The following CAMSAP2 variants were observed in gnomAD, a reference collection of about 807,000 sequenced individuals.
CAMSAP2 encodes calmodulin regulated spectrin associated protein family member 2.
CAMSAP2 carries 26 observed loss-of-function variants against 146.1 expected under a neutral mutation model. The ratio of observed to expected loss-of-function variants is 0.18; its 90% CI spans 0.13 to 0.25. The LOEUF (loss-of-function observed/expected upper bound fraction) is 0.25. Among genes scored for constraint, CAMSAP2 ranks in the 10% least tolerant of loss-of-function variants. The probability of loss-of-function intolerance (pLI) is 1.00; values close to 1 mark genes in which losing one functional copy is unlikely to be tolerated. For synonymous variants in CAMSAP2, 499 were observed against 596.6 expected, an observed-to-expected ratio of 0.84 and a Z score of 2.38; for missense variants, 1,381 against 1,759.3, an observed-to-expected ratio of 0.78 and a Z score of 3.85.
rs1484922849 is a variant in CAMSAP2 at position 200,854,918 on chromosome 1, C to T, written c.3896+29C>T. ...AATCTATAACGTATGAATATTTTTA[C>T]AGAAAAGAATATAGTACCTGCAATT... On this transcript the variant is annotated intron_variant, in intron 14 of 16. Transcript: ENST00000358823. 6.6e-6 allele frequency: 10 copies of T among 1,525,982 alleles called. No individual in the cohort carries two copies. In the African/African-American group the frequency reaches 1.2e-4, roughly 19 times the overall value. 94.5% of individuals were successfully genotyped at this position (1,525,982 alleles called of 1,614,324 possible).
intron 1 of CAMSAP2, among the ~76,000 whole-genome samples, chr1:200,757,822 G>T (rs930820247): frequency 6.6e-6 from 1 of 152,136 alleles, no homozygotes; most frequent in African/African-American, 2.4e-5. Flanking sequence ...ATTAGCTGTG[G>T]ATCCTTTCCC....
At chr1:200,778,742 C>T (rs895241884) in intron 2 of CAMSAP2, among the ~76,000 whole-genome samples, 4 of 151,510 alleles carry the variant, frequency 2.6e-5, no homozygotes, top group African/African-American at 7.3e-5. Flanking sequence ...AAACTAAATC[C>T]GGCTACAGTA....
chr1:200,852,923 T>G (rs988704324), intron 12 of CAMSAP2, among the ~76,000 whole-genome samples: 3 of 152,146 alleles, frequency 2.0e-5, no homozygotes, highest in African/African-American at 7.2e-5. Context: ...TTAAGGCATC[T>G]CATGGGAAAG....
chr1:200,842,184 T>A, intron 7 of CAMSAP2, 97 bp downstream of exon 7: 1 of 883,660 alleles, frequency 1.1e-6, no homozygotes, highest in Non-Finnish European at 1.8e-6. Context: ...ATCAGCCTAT[T>A]ATTTTTTTTT....
At chr1:200,763,876 C>T (rs368060509) in intron 2 of CAMSAP2, among the ~76,000 whole-genome samples, 1 of 152,062 alleles carries the variant, frequency 6.6e-6, no homozygotes, top group African/African-American at 2.4e-5. Flanking sequence ...GAGTTTGAGA[C>T]CAGCCTAGCC....
At chr1:200,750,018 A>G (rs1184360598) in intron 1 of CAMSAP2, among the ~76,000 whole-genome samples, 1 of 152,130 alleles carries the variant, frequency 6.6e-6, no homozygotes, top group Non-Finnish European at 1.5e-5. Context: ...AGAAGTGGGA[A>G]GTCATTGGAA....
In CAMSAP2 at chr1:200,739,630, G is replaced by A. The variant is rs1664088439; in HGVS notation, c.-198G>A. ...ATTCCTATGCCCGGGAGCGGCGGCG[G>A]CGGCGGCGGCGGCTCCCGCGGGAGG... On this transcript the variant is annotated 5_prime_UTR_variant, in exon 1 of 17. Coordinates refer to ENST00000358823, the MANE Select transcript of CAMSAP2 (RefSeq NM_203459.4). This position sits in a 1 kb window ranked among gnomAD's most constrained non-coding sequence, Gnocchi z 4.8. The A allele has an allele frequency of 2.9e-6, 1 of 348,922 alleles. No homozygotes were observed. Among genetic ancestry groups the A allele is most frequent in the Non-Finnish European group, 4.8e-6 (1 of 206,616 alleles). The allele number at this position is 348,922 out of a possible 1,614,324, so 21.6% of individuals were successfully genotyped here. A position where few individuals can be genotyped will look rare whatever the true frequency, so the allele number is the denominator to read the frequency against.
At chr1:200,855,428 C>T (rs1044536935) in intron 14 of CAMSAP2, among the ~76,000 whole-genome samples, 54 of 150,296 alleles carry the variant, frequency 3.6e-4, no homozygotes, top group African/African-American at 1.3e-3. Flanking sequence ...TAGTGACAGT[C>T]ATCATCTTAG....
At chr1:200,752,501 C>T (rs934902944) in intron 1 of CAMSAP2, among the ~76,000 whole-genome samples, 2 of 152,020 alleles carry the variant, frequency 1.3e-5, no homozygotes, top group Admixed American at 6.6e-5. Flanking sequence ...TTAACCTTGA[C>T]GTGATACTCT....
At chr1:200,746,610 C>T (rs1664332452) in intron 1 of CAMSAP2, among the ~76,000 whole-genome samples, 1 of 147,750 alleles carries the variant, frequency 6.8e-6, no homozygotes, top group African/African-American at 2.5e-5. Flanking sequence ...GACTACCAGT[C>T]ACTAGTCACA....
intron 2 of CAMSAP2, among the ~76,000 whole-genome samples, chr1:200,802,186 C>A (rs1473928233): frequency 1.3e-5 from 2 of 152,098 alleles, no homozygotes; most frequent in African/African-American, 4.8e-5. Context: ...AATTCAATGG[C>A]AAAGTATTAT....
At chr1:200,833,694 C>A (rs1439063240) in intron 6 of CAMSAP2, among the ~76,000 whole-genome samples, 3 of 151,922 alleles carry the variant, frequency 2.0e-5, no homozygotes, top group Non-Finnish European at 4.4e-5. Context: ...AATAATGAAG[C>A]TTTCTTTTTC....
At chr1:200,764,305 A>G (rs932227595) in intron 2 of CAMSAP2, among the ~76,000 whole-genome samples, 2 of 152,064 alleles carry the variant, frequency 1.3e-5, no homozygotes, top group Admixed American at 1.3e-4. Context: ...TATCATCCTA[A>G]TTTTTCAAGA....
chr1:200,753,607 A>C (rs1664569754), intron 1 of CAMSAP2, among the ~76,000 whole-genome samples: 1 of 152,162 alleles, frequency 6.6e-6, no homozygotes, highest in South Asian at 2.1e-4. Context: ...AACAAATTAC[A>C]CAGAGTCCTG....
intron 7 of CAMSAP2, among the ~76,000 whole-genome samples, chr1:200,843,884 G>A (rs1293351665): frequency 6.7e-6 from 1 of 148,242 alleles, no homozygotes; most frequent in Non-Finnish European, 1.5e-5. Flanking sequence ...GTTTTGTTTT[G>A]TTTTTGAGAT....
chr1:200,816,500 A>G (rs1480995814), intron 4 of CAMSAP2, among the ~76,000 whole-genome samples: 2 of 149,222 alleles, frequency 1.3e-5, no homozygotes, highest in African/African-American at 2.5e-5. Flanking sequence ...AGACAGAGGC[A>G]GGAGAATCGC....
chr1:200,850,218 G>A lies in CAMSAP2; in HGVS notation c.3449G>A (p.Cys1150Tyr), dbSNP rs1165919660. ...TTTGATGATGACCAGAAAGTATGCT[G>A]TGGATTCTTTTTTAAGGTGTAGTAT... Reference protein sequence around the residue: ...EQFDDDQKVCCGFFFKDDQKA... With the variant: ...EQFDDDQKVCYGFFFKDDQKA... Residue 1150 changes from cysteine (C) to tyrosine (Y), a missense_variant, in exon 11 of 17, where the codon TGT (cysteine) becomes TAT (tyrosine). Transcript: ENST00000358823. The A allele has an allele frequency of 5.7e-6, 9 of 1,584,932 alleles. No homozygotes were observed. Among genetic ancestry groups the A allele is most frequent in the Non-Finnish European group, 7.7e-6 (9 of 1,168,560 alleles).
At chr1:200,757,788 G>A (rs1036577233) in intron 1 of CAMSAP2, among the ~76,000 whole-genome samples, 1 of 152,082 alleles carries the variant, frequency 6.6e-6, no homozygotes, top group Non-Finnish European at 1.5e-5. Context: ...ATCTATTTTT[G>A]TTGTATTCTT....
intron 4 of CAMSAP2, among the ~76,000 whole-genome samples, chr1:200,816,922 G>A (rs1245990085): frequency 2.7e-5 from 2 of 72,904 alleles, no homozygotes; most frequent in Non-Finnish European, 5.2e-5. Context: ...GTGTATGTGT[G>A]TACACACACA....
Sources: gnomAD v4.1 joint callset for allele counts (sites outside exome capture counted in the v4.1 genomes callset) on GRCh38, gnomAD v4.1.1 for gene constraint, Gnocchi (gnomAD v3.1) non-coding constraint, MANE v1.5 for transcripts, NCBI Gene and HGNC (gene_info 2026-07-23, HGNC 2026-07-21) for gene names.